AFDN: variants seen among roughly 807,000 people sequenced by gnomAD.
The protein encoded by AFDN is afadin.
Under a neutral mutation model 216.6 loss-of-function variants are expected in AFDN, and 68 were observed. The observed-to-expected ratio is 0.31, with a 90% CI of 0.26 to 0.38. AFDN has a LOEUF of 0.38. Ranked by LOEUF, AFDN falls within the 10% of genes least tolerant of loss-of-function variation. The pLI, the probability that AFDN is intolerant of heterozygous loss-of-function variation, is 1.00. For synonymous variants in AFDN, 868 were observed against 853.7 expected (o/e 1.02, Z -0.29); for missense variants, 2,136 against 2,342.0 (o/e 0.91, Z 1.82).
intron 1 of AFDN, among the ~76,000 whole-genome samples, chr6:167,843,033 G>C (rs1159313303): frequency 1.3e-5 from 2 of 152,192 alleles, no homozygotes; most frequent in African/African-American, 4.8e-5. Context: ...AGTGGCATAG[G>C]ATAGGGGAGG....
intron 9 of AFDN, among the ~76,000 whole-genome samples, chr6:167,896,572 T>G (rs986273572): frequency 6.6e-6 from 1 of 152,350 alleles, no homozygotes; most frequent in Admixed American, 6.5e-5. Context: ...CAGTTGCTCC[T>G]CAGAATCATT....
intron 5 of AFDN, among the ~76,000 whole-genome samples, chr6:167,878,151 C>T (rs929575132): frequency 5.3e-5 from 8 of 151,788 alleles, no homozygotes; most frequent in African/African-American, 1.9e-4. Flanking sequence ...TTTTAGCGCG[C>T]AGTCTTGTGA....
intron 1 of AFDN, among the ~76,000 whole-genome samples, chr6:167,861,465 T>C (rs1783564776): frequency 6.6e-6 from 1 of 152,192 alleles, no homozygotes; most frequent in Non-Finnish European, 1.5e-5. Flanking sequence ...ATCTCCTTAC[T>C]CCCTTGGGTT....
chr6:167,826,843 G>A (rs1422980838), upstream of AFDN: 1 of 145,310 alleles, frequency 6.9e-6, no homozygotes, highest in Admixed American at 6.8e-5. Flanking sequence ...CGCGCACGGC[G>A]GGCGGCGGCG....
In AFDN at chr6:167,917,152, T is replaced by C. The variant is rs1419656493; in HGVS notation, c.2629T>C (p.Cys877Arg). 1 of 1,612,886 alleles carries C rather than the reference T, an allele frequency of 6.2e-7. No individual in the cohort carries two copies. The highest frequency in any genetic ancestry group is 1.3e-5 in the African/African-American group (1 of 74,896). Residue 877 changes from cysteine to arginine, a missense_variant, in exon 20 of 34, where the codon TGC (cysteine) becomes CGC (arginine). By Grantham distance (180) the Cys-to-Arg change is radical. Coordinates refer to ENST00000683244, the MANE Select transcript of AFDN (RefSeq NM_001386888.1). Reference sequence around the variant, plus strand: ...TGACATTCCAAATATAAACAGCACCTGCTTTAAGTTAAATTCATTACAACT... The same window carrying C: ...TGACATTCCAAATATAAACAGCACCCGCTTTAAGTTAAATTCATTACAACT... ...PDDIPNINSTCFKLNSLQLQA... is the reference protein window; with the variant it reads ...PDDIPNINSTRFKLNSLQLQA...
intron 2 of AFDN, among the ~76,000 whole-genome samples, chr6:167,869,422 GTCACTC>G (rs758664852): frequency 2.0e-5 from 3 of 152,170 alleles, no homozygotes; most frequent in Non-Finnish European, 4.4e-5. Context: ...ATTTGGGTAG[GTCACTC>G]AATACCTGTT....
rs1450554511 is a variant in AFDN at position 167,948,492 on chromosome 6, G to C, written c.3831+14G>C. The stretch of plus-strand genomic sequence containing the variant: ...ATTGCAATTCAGGTTAGAAATCAAA[G>C]ATTCCACACACTTTTCTCACCTCTC... On this transcript the variant is annotated intron_variant, in intron 29 of 33. Transcript: ENST00000683244. 1.2e-6 allele frequency: 2 copies of C among 1,610,162 alleles called. No homozygotes were observed. The highest frequency in any genetic ancestry group is 2.2e-5 in the South Asian group (2 of 90,664).
intron 1 of AFDN, among the ~76,000 whole-genome samples, chr6:167,846,295 T>C (rs1781673847): frequency 6.6e-6 from 1 of 152,126 alleles, no homozygotes; most frequent in Admixed American, 6.5e-5. Context: ...TGTAGGTTTG[T>C]TAATGAGATC....
chr6:167,914,807 G>T, intron 18 of AFDN, 69 bp downstream of exon 18: 1 of 1,099,142 alleles, frequency 9.1e-7, no homozygotes. Context: ...TTAATGCTTA[G>T]CGTAGGTAAG....
At chr6:167,851,193 A>AT (rs1369416571) in intron 1 of AFDN, among the ~76,000 whole-genome samples, 7 of 152,068 alleles carry the variant, frequency 4.6e-5, no homozygotes, top group Admixed American at 6.6e-5. Context: ...ATACTCTGTT[A>AT]TTTTTTGCTT....
At chr6:167,915,104 ACATT>A in intron 18 of AFDN, 60 bp from the exon 19 acceptor site, 1 of 1,549,108 alleles carries the variant, frequency 6.5e-7, no homozygotes, top group Non-Finnish European at 8.8e-7. Context: ...AATCTGCTGC[ACATT>A]CAAAGGCTTC....
intron 21 of AFDN, among the ~76,000 whole-genome samples, chr6:167,920,952 T>C (rs1791713695): frequency 6.6e-6 from 1 of 152,220 alleles, no homozygotes; most frequent in Non-Finnish European, 1.5e-5. Flanking sequence ...ATTTTTGCAC[T>C]GGTCACATTG....
In AFDN at chr6:167,971,996, T is replaced by G; in HGVS notation, c.*2061T>G. ...TCGCCCATCTCTTTCCATCTGTCTC[T>G]TCTTCATTAAACACTTACTGAGTAT... On this transcript the variant is annotated 3_prime_UTR_variant, in exon 34 of 34. Transcript: ENST00000683244. The G allele has an allele frequency of 5.3e-6, 1 of 190,126 alleles. No homozygotes were observed. The highest frequency in any genetic ancestry group is 1.1e-5 in the Non-Finnish European group (1 of 90,648). 11.8% of individuals were successfully genotyped at this position (190,126 alleles called of 1,614,324 possible).
chr6:167,917,234 T>C lies in AFDN; in HGVS notation c.2709+2T>C. 6.3e-7 allele frequency: 1 copy of C among 1,583,992 alleles called. No individual in the cohort carries two copies. The highest frequency in any genetic ancestry group is 8.6e-7 in the Non-Finnish European group (1 of 1,169,070). The stretch of plus-strand genomic sequence containing the variant: ...CCTGATGAGCCTTTTATCCCAACGG[T>C]GAGTGGATGTTGCCACATTACCACA... On this transcript the variant is annotated splice_donor_variant, in intron 20 of 33. Transcript: ENST00000683244. LOFTEE classifies it high-confidence loss of function.
chr6:167,883,140 T>C (rs897262658), intron 6 of AFDN, among the ~76,000 whole-genome samples: 1 of 151,994 alleles, frequency 6.6e-6, no homozygotes, highest in Non-Finnish European at 1.5e-5. Flanking sequence ...AATTCAAGAA[T>C]AGAATCTATC....
intron 20 of AFDN, 122 bp from the exon 21 acceptor site, chr6:167,918,612 GT>G: frequency 2.4e-6 from 2 of 828,514 alleles, no homozygotes; most frequent in Non-Finnish European, 3.9e-6. Context: ...GTCTGTCTGT[GT>G]GTGTGTGTGT....
chr6:167,893,878 T>C lies in AFDN; in HGVS notation c.1194T>C (p.Phe398=), dbSNP rs1196103236. 12 of 1,589,272 alleles carry C rather than the reference T, an allele frequency of 7.6e-6. No homozygotes were observed. Among genetic ancestry groups the C allele is most frequent in the Non-Finnish European group, 1.0e-5 (12 of 1,166,332 alleles). The part of the protein sequence containing the change: ...VELSPGRRNH[F]AYYNYHTYED... The stretch of plus-strand genomic sequence containing the variant: ...TAACCCCAGGGAGAAGGAATCACTT[T>C]GCCTACTACAACTATCACACTTACG... The change falls in exon 9 of 34, where the codon TTT becomes TTC. Residue 398 remains phenylalanine (F), a synonymous_variant. Coordinates refer to ENST00000683244, the MANE Select transcript of AFDN (RefSeq NM_001386888.1).
chr6:167,938,907 G>A (rs1583482193), intron 23 of AFDN, among the ~76,000 whole-genome samples: 1 of 152,206 alleles, frequency 6.6e-6, no homozygotes, highest in African/African-American at 2.4e-5. Context: ...CTGGCAGGCA[G>A]CACCAACTGT....
chr6:167,864,442 A>G, intron 1 of AFDN, 109 bp from the exon 2 acceptor site: 5 of 1,043,020 alleles, frequency 4.8e-6, no homozygotes, highest in South Asian at 3.8e-5. Context: ...GATGTTTATG[A>G]TGAAGCATTT....
Sources: allele counts gnomAD v4.1 joint callset (sites outside exome capture counted in the v4.1 genomes callset), GRCh38; gene constraint gnomAD v4.1.1; transcripts MANE v1.5; gene names NCBI Gene and HGNC (gene_info 2026-07-23, HGNC 2026-07-21).